Variants in CACNA2D1 observed in about 807,000 individuals in gnomAD.
The protein encoded by CACNA2D1 is calcium voltage-gated channel auxiliary subunit alpha2delta 1, also known as voltage-dependent calcium channel subunit alpha-2/delta-1.
A neutral mutation model predicts 171.5 loss-of-function variants in CACNA2D1; 53 were observed. The ratio of observed to expected loss-of-function variants is 0.31; its 90% CI spans 0.25 to 0.39. The LOEUF (loss-of-function observed/expected upper bound fraction) is 0.39, where lower values mean the gene tolerates loss of function less well. Among genes scored for constraint, CACNA2D1 ranks in the 10% least tolerant of loss-of-function variants. The probability of loss-of-function intolerance (pLI) is 1.00; values close to 1 mark genes in which losing one functional copy is unlikely to be tolerated. For synonymous variants in CACNA2D1, 442 were observed against 443.1 expected, an observed-to-expected ratio of 1.00 and a Z score of 0.03; for missense variants, 903 against 1,299.8, an observed-to-expected ratio of 0.69 and a Z score of 4.69.
intron 1 of CACNA2D1, among the ~76,000 whole-genome samples, chr7:82,380,465 T>A (rs1477188488): frequency 2.6e-5 from 4 of 152,178 alleles, no homozygotes; most frequent in East Asian, 3.9e-4. Flanking sequence ...CAAACTATTA[T>A]ATAATAAAAA....
chr7:81,958,331 T>C (rs904263306), intron 38 of CACNA2D1, among the ~76,000 whole-genome samples: 1 of 152,090 alleles, frequency 6.6e-6, no homozygotes, highest in Non-Finnish European at 1.5e-5. Context: ...TGTATTTGAG[T>C]AGGTAAACTA....
intron 11 of CACNA2D1, among the ~76,000 whole-genome samples, chr7:82,033,325 CAA>C (rs1429171026): frequency 2.0e-5 from 3 of 152,008 alleles, no homozygotes; most frequent in African/African-American, 7.2e-5. Context: ...CTTTTTTGCT[CAA>C]AGACTTCTTT....
chr7:82,354,780 G>C (rs773313270), intron 1 of CACNA2D1, among the ~76,000 whole-genome samples: 3 of 152,100 alleles, frequency 2.0e-5, no homozygotes, highest in Admixed American at 6.6e-5. Context: ...AAGAGAGCAA[G>C]TTCAGAGAAA....
In CACNA2D1 at chr7:82,038,114, T is replaced by C; in HGVS notation, c.1001A>G (p.Lys334Arg). Residue 334 changes from lysine to arginine, a missense_variant, in exon 11 of 39, where the codon AAG (lysine) becomes AGG (arginine). Lys to Arg is a conservative substitution (Grantham distance 26). Transcript: ENST00000356860. ...NITAKGITDY[K>R]KGFSFAFEQL... is the part of the protein sequence containing the mutation. ...TTCAAAAGCAAAACTAAAGCCCTTCTTATAATCTGTAATTCCTTTGGCTGT... is the reference window on the plus strand; with the variant it reads ...TTCAAAAGCAAAACTAAAGCCCTTCCTATAATCTGTAATTCCTTTGGCTGT... 1 of 1,613,818 alleles carries C rather than the reference T, an allele frequency of 6.2e-7. No individual in the cohort carries two copies. The highest frequency in any genetic ancestry group is 8.5e-7 in the Non-Finnish European group (1 of 1,179,868).
At chr7:82,169,125 T>G (rs1795760404) in intron 4 of CACNA2D1, among the ~76,000 whole-genome samples, 1 of 152,042 alleles carries the variant, frequency 6.6e-6, no homozygotes, top group South Asian at 2.1e-4. Context: ...TTTTGCTGCT[T>G]TTTCCCTATT....
At chr7:82,016,222 A>C (rs966021024) in intron 12 of CACNA2D1, among the ~76,000 whole-genome samples, 3 of 152,164 alleles carry the variant, frequency 2.0e-5, no homozygotes, top group Non-Finnish European at 2.9e-5. Flanking sequence ...TATTTTTATA[A>C]GCAGGTTGAC....
At chr7:82,287,427 T>C (rs1344896024) in intron 3 of CACNA2D1, among the ~76,000 whole-genome samples, 11 of 152,194 alleles carry the variant, frequency 7.2e-5, no homozygotes. Flanking sequence ...CATTGAATTC[T>C]ATTATATCTC....
intron 3 of CACNA2D1, among the ~76,000 whole-genome samples, chr7:82,223,680 A>G (rs1222680224): frequency 1.3e-5 from 2 of 152,176 alleles, no homozygotes; most frequent in Non-Finnish European, 2.9e-5. Flanking sequence ...GTTGTTTTTT[A>G]CATTTCCTGG....
intron 7 of CACNA2D1, among the ~76,000 whole-genome samples, chr7:82,080,745 G>A (rs1380047331): frequency 1.3e-5 from 2 of 152,142 alleles, no homozygotes; most frequent in Non-Finnish European, 2.9e-5. Flanking sequence ...GTTTCACTAC[G>A]TGGTGTTATT....
At chr7:81,966,492 T>C (rs1021123268) in intron 31 of CACNA2D1, among the ~76,000 whole-genome samples, 3 of 151,414 alleles carry the variant, frequency 2.0e-5, no homozygotes, top group African/African-American at 4.8e-5. Context: ...ATAAAGACGA[T>C]ATGAACCCCC....
At chr7:82,371,416 T>C (rs941142123) in intron 1 of CACNA2D1, among the ~76,000 whole-genome samples, 2 of 151,962 alleles carry the variant, frequency 1.3e-5, no homozygotes, top group Non-Finnish European at 2.9e-5. Flanking sequence ...TTGTAAGGAT[T>C]AAAAAAAATC....
chr7:82,203,492 C>T (rs1465181399), intron 3 of CACNA2D1, among the ~76,000 whole-genome samples: 1 of 152,186 alleles, frequency 6.6e-6, no homozygotes. Flanking sequence ...ATGCTAACCT[C>T]TGATTGTCTT....
At chr7:82,019,124 A>G (rs1800866639) in intron 12 of CACNA2D1, among the ~76,000 whole-genome samples, 1 of 151,884 alleles carries the variant, frequency 6.6e-6, no homozygotes, top group African/African-American at 2.4e-5. Flanking sequence ...GATCAAGACC[A>G]TCCTGGCCAA....
At chr7:81,994,730 TA>T in intron 20 of CACNA2D1, 137 bp downstream of exon 20, 1 of 591,712 alleles carries the variant, frequency 1.7e-6, no homozygotes, top group Non-Finnish European at 3.0e-6. Context: ...AGAAGTGCTT[TA>T]AAAAGAAAAA....
In CACNA2D1 at chr7:82,326,829, G is replaced by A. The variant is rs974226437; in HGVS notation, c.294+8306C>T. On this transcript the variant is annotated intron_variant, in intron 3 of 38. Coordinates refer to ENST00000356860, the MANE Select transcript of CACNA2D1 (RefSeq NM_000722.4). The stretch of plus-strand genomic sequence containing the variant: ...ACCATTATCAGATCCTATCTAACGT[G>A]ATTCCTGGTTTCAAATACTTCAACT... Among the ~76,000 whole-genome samples the A allele has an allele frequency of 1.8e-5, 2 of 109,032 alleles. 1 individual carries two copies. The highest frequency in any genetic ancestry group is 4.6e-5 in the Non-Finnish European group (2 of 43,868). 71.5% of individuals were successfully genotyped at this position (109,032 alleles called of 152,430 possible).
intron 3 of CACNA2D1, among the ~76,000 whole-genome samples, chr7:82,323,634 T>G (rs1360130801): frequency 6.6e-6 from 1 of 152,226 alleles, no homozygotes; most frequent in Non-Finnish European, 1.5e-5. Context: ...ATTTACATTT[T>G]GTACTAGGCT....
intron 4 of CACNA2D1, among the ~76,000 whole-genome samples, chr7:82,169,222 T>C (rs1795772298): frequency 6.6e-6 from 1 of 152,064 alleles, no homozygotes; most frequent in African/African-American, 2.4e-5. Flanking sequence ...TACAGTTTGC[T>C]CGATGCTCTA....
intron 1 of CACNA2D1, among the ~76,000 whole-genome samples, chr7:82,427,882 C>A (rs1410652103): frequency 6.6e-6 from 1 of 151,992 alleles, no homozygotes; most frequent in African/African-American, 2.4e-5. Context: ...GATGAGGAAA[C>A]CTGATTAGAA....
At chr7:81,959,436 A>G in intron 37 of CACNA2D1, 79 bp from the exon 38 acceptor site, 1 of 985,410 alleles carries the variant, frequency 1.0e-6, no homozygotes, top group East Asian at 2.4e-5. Flanking sequence ...TGTATTTCCC[A>G]AAACATGTGA....
Sources: allele counts gnomAD v4.1 joint callset (sites outside exome capture counted in the v4.1 genomes callset), GRCh38; gene constraint gnomAD v4.1.1; transcripts MANE v1.5; gene names NCBI Gene and HGNC (gene_info 2026-07-23, HGNC 2026-07-21).